Variants in LATS2 observed in about 807,000 individuals in gnomAD.
The protein encoded by LATS2 is large tumor suppressor kinase 2, also known as serine/threonine-protein kinase LATS2.
Under a neutral mutation model 76.0 loss-of-function variants are expected in LATS2, and 24 were observed. That is an observed-to-expected ratio of 0.32 (90% CI 0.23 to 0.44). The LOEUF is 0.44. Ranked by LOEUF, LATS2 falls within the 20% of genes least tolerant of loss-of-function variation. LATS2 has a pLI of 1.00. For synonymous variants in LATS2, 692 were observed against 635.4 expected (o/e 1.09, Z -1.34); for missense variants, 1,286 against 1,481.2 (o/e 0.87, Z 2.16).
In LATS2 at chr13:21,044,689, G is replaced by GGTGT. The variant is rs71090554; in HGVS notation, c.342+992_342+995dup. ...TAAATGTATGGCTATGAGGTGTAGG[G>GGTGT]GTGTGTGTGTGTGTGTGTGTGTGTG... On this transcript the variant is annotated intron_variant, in intron 2 of 7. Transcript: ENST00000382592. 5.1e-3 allele frequency among the ~76,000 whole-genome samples: 696 copies of GGTGT among 137,770 alleles called. 5 individuals carry two copies. Among genetic ancestry groups the GGTGT allele is most frequent in the African/African-American group, 8.6e-3 (312 of 36,114 alleles). The allele number at this position is 137,770 out of a possible 152,430, so 90.4% of individuals were successfully genotyped here.
intron 2 of LATS2, among the ~76,000 whole-genome samples, chr13:21,015,836 A>G (rs1444719901): frequency 2.6e-5 from 4 of 151,554 alleles, no homozygotes; most frequent in Non-Finnish European, 4.4e-5. Context: ...AGTAGCTGGG[A>G]TTATGGGCAC....
chr13:20,986,692 A>C, intron 4 of LATS2, among the ~76,000 whole-genome samples: 1 of 152,170 alleles, frequency 6.6e-6, no homozygotes, highest in Non-Finnish European at 1.5e-5. Flanking sequence ...AGAAGGAACA[A>C]ACTCTAACTA....
intron 2 of LATS2, among the ~76,000 whole-genome samples, chr13:21,011,332 C>T (rs1871584143): frequency 6.6e-6 from 1 of 152,248 alleles, no homozygotes; most frequent in South Asian, 2.1e-4. Flanking sequence ...ACCCAATCCA[C>T]AGGCCTTAGA....
intron 2 of LATS2, among the ~76,000 whole-genome samples, chr13:21,002,893 G>A (rs1871111255): frequency 6.6e-6 from 1 of 151,918 alleles, no homozygotes; most frequent in South Asian, 2.1e-4. Context: ...TTAGAGAAAG[G>A]GTCCCACTAT....
chr13:21,023,774 G>C (rs1196102357), intron 2 of LATS2, among the ~76,000 whole-genome samples: 1 of 149,384 alleles, frequency 6.7e-6, no homozygotes, highest in East Asian at 2.0e-4. Flanking sequence ...GGGAATTCAA[G>C]ACCAGCCTGA....
chr13:20,980,971 T>C (rs1869846235), intron 6 of LATS2, among the ~76,000 whole-genome samples: 1 of 152,258 alleles, frequency 6.6e-6, no homozygotes, highest in African/African-American at 2.4e-5. Flanking sequence ...CTAGTCATTT[T>C]ACACAACTGG....
chr13:20,976,875 A>T (rs930225856), intron 7 of LATS2, among the ~76,000 whole-genome samples: 2 of 152,124 alleles, frequency 1.3e-5, no homozygotes, highest in East Asian at 3.9e-4. Flanking sequence ...TATGGCAAAC[A>T]GTTTGGGAGT....
chr13:21,028,442 C>T (rs555256727), intron 2 of LATS2, among the ~76,000 whole-genome samples: 16 of 152,224 alleles, frequency 1.1e-4, no homozygotes, highest in Non-Finnish European at 1.9e-4. Context: ...TGGGTATATA[C>T]CCAGTAATTT....
intron 4 of LATS2, among the ~76,000 whole-genome samples, chr13:20,985,040 A>G (rs1431214721): frequency 1.3e-5 from 2 of 152,206 alleles, no homozygotes; most frequent in Non-Finnish European, 2.9e-5. Context: ...GGTGCCAAGA[A>G]TGTACACTGA....
At position 21,021,474 on chromosome 13, in the gene LATS2, C is replaced by CAAAAAAAAA. The variant is rs58976562; in HGVS notation, c.342+24202_342+24210dup. Among the ~76,000 whole-genome samples, 67 of 48,376 alleles carry CAAAAAAAAA rather than the reference C, an allele frequency of 1.4e-3. 8 individuals carry two copies. Among genetic ancestry groups the CAAAAAAAAA allele is most frequent in the African/African-American group, 4.2e-3 (61 of 14,578 alleles). 31.7% of individuals were successfully genotyped at this position (48,376 alleles called of 152,430 possible). On this transcript the variant is annotated intron_variant, in intron 2 of 7. Transcript: ENST00000382592. ...CGGGCAGCAGAGTGAGACTCTGTCT[C>CAAAAAAAAA]AAAAAAAAAAAAAAAAAAAAAAAAA...
At position 20,974,150 on chromosome 13, in the gene LATS2, G is replaced by A. The variant is rs577971767; in HGVS notation, c.*720C>T. 9.2e-5 allele frequency: 21 copies of A among 227,336 alleles called. No homozygotes were observed. In the South Asian group the frequency reaches 3.7e-3, roughly 40 times the overall value. 14.1% of individuals were successfully genotyped at this position (227,336 alleles called of 1,614,324 possible). On this transcript the variant is annotated 3_prime_UTR_variant, in exon 8 of 8. Coordinates refer to ENST00000382592, the MANE Select transcript of LATS2 (RefSeq NM_014572.3). ...TCATTTAAAGACACTCAGTAAAAAC[G>A]TATTCACAGGACCTGCTGTGAATGG...
At chr13:20,987,371 A>G (rs1193095393) in intron 4 of LATS2, among the ~76,000 whole-genome samples, 1 of 152,232 alleles carries the variant, frequency 6.6e-6, no homozygotes, top group African/African-American at 2.4e-5. Flanking sequence ...AGTTTCATCA[A>G]TAATTACCTT....
At chr13:21,009,890 A>G (rs1192823679) in intron 2 of LATS2, among the ~76,000 whole-genome samples, 4 of 152,156 alleles carry the variant, frequency 2.6e-5, no homozygotes, top group Non-Finnish European at 4.4e-5. Context: ...ACACAGTGAG[A>G]GCAGACAGCA....
chr13:21,028,602 C>T (rs1047674920), intron 2 of LATS2, among the ~76,000 whole-genome samples: 1 of 152,096 alleles, frequency 6.6e-6, no homozygotes, highest in Non-Finnish European at 1.5e-5. Context: ...TCTGGAGTCT[C>T]GTTCTGTCAC....
intron 1 of LATS2, among the ~76,000 whole-genome samples, chr13:21,058,720 G>A (rs561675205): frequency 7.2e-5 from 11 of 152,328 alleles, no homozygotes; most frequent in African/African-American, 2.6e-4. Context: ...TAAACTGCCT[G>A]AGATTTGGAA....
At position 20,988,759 on chromosome 13, in the gene LATS2, C is replaced by T. The variant is rs758259741; in HGVS notation, c.1021G>A (p.Asp341Asn). Reference protein sequence around the residue: ...LGSRSQVFASDSPPQSLLTPS... With the variant: ...LGSRSQVFASNSPPQSLLTPS... ...GTGAGCAGGCTCTGCGGGGGGCTGT[C>T]GCTGGCGAACACCTGGCTGCGGGAG... The change falls in exon 4 of 8, where the codon GAC (aspartate) becomes AAC (asparagine). Residue 341 changes from aspartate (D) to asparagine (N), a missense_variant. Physicochemically the swap from Asp to Asn is conservative, Grantham distance 23 (BLOSUM62 1). This residue lies in a region of LATS2 where 710 missense variants were observed against 660.9 expected (regional missense o/e 1.07). Transcript: ENST00000382592. 1.9e-6 allele frequency: 3 copies of T among 1,579,858 alleles called. No homozygotes were observed. The highest frequency in any genetic ancestry group is 1.7e-6 in the Non-Finnish European group (2 of 1,170,080).
Position 20,983,662 on chromosome 13 carries a change from C to G in LATS2, c.2044G>C (p.Val682Leu). ...GTGTCCACCTTACAAGCAAGGCACA[C>G]TTCTCCAAAGGCACCGATCCCCAGG... is the stretch of plus-strand genomic sequence containing the variant. Reference protein sequence around the residue: ...KTLGIGAFGEVCLACKVDTHA... With the variant: ...KTLGIGAFGELCLACKVDTHA... Residue 682 changes from valine (V) to leucine (L), a missense_variant, in exon 5 of 8, where the codon GTG becomes CTG. Physicochemically the swap from Val to Leu is conservative, Grantham distance 32. Coordinates refer to ENST00000382592, the MANE Select transcript of LATS2 (RefSeq NM_014572.3). 6.2e-7 allele frequency: 1 copy of G among 1,614,166 alleles called. No homozygotes were observed. Among genetic ancestry groups the G allele is most frequent in the Non-Finnish European group, 8.5e-7 (1 of 1,180,042 alleles).
Position 20,983,602 on chromosome 13 carries a change from T to C in LATS2, c.2104A>G (p.Lys702Glu), listed in dbSNP as rs779028626. The C allele has an allele frequency of 1.9e-6, 3 of 1,614,072 alleles. No homozygotes were observed. Among genetic ancestry groups the C allele is most frequent in the Non-Finnish European group, 2.5e-6 (3 of 1,180,006 alleles). ...ACCTGATTCCGGTTCAGGACATCCT[T>C]TTTCCTTAGGGTCTTCATGGCGTAC... ...ALYAMKTLRK[K>E]DVLNRNQVAH... Residue 702 changes from lysine to glutamate, a missense_variant, in exon 5 of 8, where the codon AAG (lysine) becomes GAG (glutamate). Transcript: ENST00000382592.
chr13:20,973,271 C>G lies in LATS2; in HGVS notation c.*1599G>C, dbSNP rs1324003548. 3 of 231,812 alleles carry G rather than the reference C, an allele frequency of 1.3e-5. No individual in the cohort carries two copies. Among genetic ancestry groups the G allele is most frequent in the Non-Finnish European group, 2.6e-5 (3 of 117,060 alleles). 14.4% of individuals were successfully genotyped at this position (231,812 alleles called of 1,614,324 possible). A position where few individuals can be genotyped will look rare whatever the true frequency, so the allele number is the denominator to read the frequency against. ...ACTCACACAAATGTAAACCAGTACA[C>G]AGGAATCTTTATTTTTTTAGTTTAA... is the stretch of plus-strand genomic sequence containing the variant. On this transcript the variant is annotated 3_prime_UTR_variant, in exon 8 of 8. Transcript: ENST00000382592.
Sources: allele counts gnomAD v4.1 joint callset (sites outside exome capture counted in the v4.1 genomes callset), GRCh38; gene constraint gnomAD v4.1.1; regional missense constraint gnomAD v4.1.1; transcripts MANE v1.5; gene names NCBI Gene and HGNC (gene_info 2026-07-23, HGNC 2026-07-21).